The following GADL1 variants were observed in gnomAD, a reference collection of about 807,000 sequenced individuals.
The protein encoded by GADL1 is GAD like acidic amino acid decarboxylase 1, also known as acidic amino acid decarboxylase GADL1.
In GADL1, 71 loss-of-function variants were observed where a neutral mutation model predicts 69.5. The observed-to-expected ratio is 1.02, with a 90% CI of 0.84 to 1.25. GADL1 has a LOEUF of 1.25. GADL1 is among the 50% of genes most tolerant of loss of function. GADL1 has a pLI of 0.00. For missense variants in GADL1, 737 were observed against 631.8 expected, an observed-to-expected ratio of 1.17 and a Z score of -1.79; for synonymous variants, 254 against 214.4, an observed-to-expected ratio of 1.18 and a Z score of -1.62.
At chr3:30,839,548 G>A (rs1025650269) in intron 8 of GADL1, among the ~76,000 whole-genome samples, 6 of 121,272 alleles carry the variant, frequency 4.9e-5, no homozygotes, top group African/African-American at 7.8e-5. Context: ...CAGAGCTCCC[G>A]GAGTAAACCA....
At chr3:30,815,447 G>T (rs141027410) in intron 11 of GADL1, among the ~76,000 whole-genome samples, 1 of 152,346 alleles carries the variant, frequency 6.6e-6, no homozygotes, top group East Asian at 1.9e-4. Flanking sequence ...TTGTCTGACA[G>T]ATTGCAAGTG....
At chr3:30,816,257 C>CTT (rs967033285) in intron 11 of GADL1, among the ~76,000 whole-genome samples, 6 of 152,080 alleles carry the variant, frequency 3.9e-5, no homozygotes, top group African/African-American at 1.4e-4. Flanking sequence ...AGAGTTGAGG[C>CTT]TTGAGCCTCA....
intron 4 of GADL1, among the ~76,000 whole-genome samples, chr3:30,853,208 CT>C (rs1215662020): frequency 1.3e-5 from 2 of 152,148 alleles, no homozygotes; most frequent in Non-Finnish European, 2.9e-5. Flanking sequence ...ACTCTGTCCC[CT>C]AGGCAGTGGT....
intron 14 of GADL1, among the ~76,000 whole-genome samples, chr3:30,777,663 A>C (rs1203145417): frequency 1.3e-5 from 2 of 151,338 alleles, no homozygotes; most frequent in Non-Finnish European, 2.9e-5. Context: ...CTGTGTGTGA[A>C]GACACTTCCA....
At chr3:30,850,984 A>C in intron 4 of GADL1, 43 bp from the exon 5 acceptor site, 1 of 1,166,294 alleles carries the variant, frequency 8.6e-7, no homozygotes, top group East Asian at 2.6e-5. Context: ...GACTAGAGTC[A>C]AAACATTCCT....
intron 1 of GADL1, among the ~76,000 whole-genome samples, chr3:30,878,250 A>C (rs1171313207): frequency 3.9e-5 from 6 of 151,920 alleles, no homozygotes; most frequent in Non-Finnish European, 8.8e-5. Context: ...TTTTAAAATT[A>C]AGTTCTTATT....
chr3:30,732,289 G>A (rs1201468221), intron 14 of GADL1, among the ~76,000 whole-genome samples: 1 of 152,128 alleles, frequency 6.6e-6, no homozygotes, highest in Admixed American at 6.6e-5. Context: ...AAGCAATTTG[G>A]CAGGAGTGAG....
At chr3:30,762,341 G>A (rs566274952) in intron 14 of GADL1, among the ~76,000 whole-genome samples, 3 of 152,142 alleles carry the variant, frequency 2.0e-5, no homozygotes, top group Non-Finnish European at 4.4e-5. Flanking sequence ...CAATATATAA[G>A]GGTCCTTCGA....
Position 30,778,162 on chromosome 3 carries a change from A to AT in GADL1, c.1392+16dup, listed in dbSNP as rs1696580391. 1 of 1,409,068 alleles carries AT rather than the reference A, an allele frequency of 7.1e-7. No individual in the cohort carries two copies. The highest frequency in any genetic ancestry group is 1.4e-5 in the African/African-American group (1 of 69,280). The allele number at this position is 1,409,068 out of a possible 1,614,324, so 87.3% of individuals were successfully genotyped here. A position where few individuals can be genotyped will look rare whatever the true frequency, so the allele number is the denominator to read the frequency against. ...CTACTTCATCAAAAAGAAAAATACC[A>AT]TTTACTTATTACTTACCAAATTAAG... On this transcript the variant is annotated intron_variant, in intron 14 of 14. Coordinates refer to ENST00000282538, the MANE Select transcript of GADL1 (RefSeq NM_207359.3).
At chr3:30,857,203 A>G in intron 2 of GADL1, 62 bp from the exon 3 acceptor site, 1 of 1,383,198 alleles carries the variant, frequency 7.2e-7, no homozygotes, top group African/African-American at 1.4e-5. Flanking sequence ...AGAGGATGTT[A>G]CAAACGTGGA....
intron 1 of GADL1, among the ~76,000 whole-genome samples, chr3:30,888,767 G>C (rs554285991): frequency 6.6e-6 from 1 of 151,854 alleles, no homozygotes; most frequent in Non-Finnish European, 1.5e-5. Context: ...AATGAAGTAG[G>C]GCTTTCCTTT....
chr3:30,752,999 A>G (rs1051234965), intron 14 of GADL1, among the ~76,000 whole-genome samples: 1 of 152,132 alleles, frequency 6.6e-6, no homozygotes, highest in South Asian at 2.1e-4. Context: ...TAAATATTAA[A>G]TTTTAAAAAT....
chr3:30,844,114 T>C (rs1575231041), intron 8 of GADL1, 96 bp downstream of exon 8: 1 of 907,078 alleles, frequency 1.1e-6, no homozygotes, highest in East Asian at 2.4e-5. Context: ...TTTGGCTGTT[T>C]GCATTCTCTC....
At chr3:30,835,466 C>G (rs1167373987) in intron 9 of GADL1, among the ~76,000 whole-genome samples, 1 of 151,978 alleles carries the variant, frequency 6.6e-6, no homozygotes, top group African/African-American at 2.4e-5. Flanking sequence ...CAGAGTATTA[C>G]AAAATTTGGG....
chr3:30,790,718 C>G (rs979763988), intron 12 of GADL1, among the ~76,000 whole-genome samples: 2 of 152,018 alleles, frequency 1.3e-5, no homozygotes, highest in African/African-American at 4.8e-5. Context: ...TTATCAATAT[C>G]AAGGATAGAT....
At chr3:30,867,317 A>G (rs560131946) in intron 1 of GADL1, among the ~76,000 whole-genome samples, 8 of 151,298 alleles carry the variant, frequency 5.3e-5, no homozygotes, top group Admixed American at 6.6e-5. Context: ...CAAAACTTCA[A>G]ATCTTCAGTT....
intron 9 of GADL1, among the ~76,000 whole-genome samples, chr3:30,837,841 G>C (rs1045179123): frequency 6.6e-5 from 10 of 152,024 alleles, no homozygotes; most frequent in African/African-American, 2.4e-4. Context: ...AATATGAACA[G>C]ATACAAATGC....
At chr3:30,795,378 C>T (rs1697011496) in intron 12 of GADL1, among the ~76,000 whole-genome samples, 1 of 152,130 alleles carries the variant, frequency 6.6e-6, no homozygotes, top group Non-Finnish European at 1.5e-5. Flanking sequence ...CAGTGGTGTT[C>T]TAGAGCTACT....
chr3:30,781,857 ATG>A (rs1303835169), intron 13 of GADL1, among the ~76,000 whole-genome samples: 2 of 152,196 alleles, frequency 1.3e-5, no homozygotes, highest in Non-Finnish European at 2.9e-5. Flanking sequence ...GCAAAAAGAG[ATG>A]TCTTTTAAAG....
Sources: allele counts gnomAD v4.1 joint callset (sites outside exome capture counted in the v4.1 genomes callset), GRCh38; gene constraint gnomAD v4.1.1; transcripts MANE v1.5; gene names NCBI Gene and HGNC (gene_info 2026-07-23, HGNC 2026-07-21).